The following ARHGAP21 variants were observed in gnomAD, a reference collection of about 807,000 sequenced individuals.
ARHGAP21 encodes Rho GTPase activating protein 21, also known as rho GTPase-activating protein 21.
A neutral mutation model predicts 164.6 loss-of-function variants in ARHGAP21; 38 were observed. The observed-to-expected ratio is 0.23, with a 90% CI of 0.18 to 0.30. ARHGAP21 has a LOEUF of 0.30. Among genes scored for constraint, ARHGAP21 ranks in the 10% least tolerant of loss-of-function variants. ARHGAP21 has a pLI of 1.00. For synonymous variants in ARHGAP21, 766 were observed against 857.9 expected, an observed-to-expected ratio of 0.89 and a Z score of 1.87; for missense variants, 1,822 against 2,370.7, an observed-to-expected ratio of 0.77 and a Z score of 4.81.
chr10:24,587,162 T>A lies in ARHGAP21; in HGVS notation c.4183-1056A>T, dbSNP rs191809210. On this transcript the variant is annotated intron_variant, in intron 25 of 25. Coordinates refer to ENST00000396432, the MANE Select transcript of ARHGAP21 (RefSeq NM_020824.4). ...GTATAATAGGTTCTTTTAAAAAAAA[T>A]TTTTTAAGATGGAGTTTCACCATGT... 2.2e-3 allele frequency among the ~76,000 whole-genome samples: 332 copies of A among 152,202 alleles called. No homozygotes were observed. The Middle Eastern group carries it at 0.027, about 12-fold the overall frequency.
rs1565054194 is a variant in ARHGAP21, at chr10:24,628,950, C to CTATAT, written c.495+1045_495+1046insATATA. 1.3e-4 allele frequency: 7 copies of CTATAT among 53,568 alleles called. No homozygotes were observed. The South Asian group carries it at 3.4e-3, about 26-fold the overall frequency. 3.3% of individuals were successfully genotyped at this position (53,568 alleles called of 1,614,324 possible). On this transcript the variant is annotated intron_variant, in intron 7 of 25. Coordinates refer to ENST00000396432, the MANE Select transcript of ARHGAP21 (RefSeq NM_020824.4). ...ATACATACATATATATACACACACA[C>CTATAT]ACTATATATATATATATATATATAT...
chr10:24,621,470 T>C (rs1404731401), intron 8 of ARHGAP21, 101 bp from the exon 9 acceptor site: 20 of 1,070,624 alleles, frequency 1.9e-5, no homozygotes, highest in Non-Finnish European at 2.5e-5. Context: ...ACCTCGTTCC[T>C]GAGTGACATT....
intron 17 of ARHGAP21, chr10:24,596,290 T>C (rs187190229): frequency 4.5e-6 from 2 of 443,582 alleles, no homozygotes; most frequent in East Asian, 7.5e-5. Context: ...AAAAAGGAAG[T>C]AACAACAGGT....
chr10:24,693,950 G>A (rs1842943264), intron 2 of ARHGAP21, among the ~76,000 whole-genome samples: 1 of 152,154 alleles, frequency 6.6e-6, no homozygotes, highest in East Asian at 1.9e-4. Flanking sequence ...CAGGAACACA[G>A]ACATACATGT....
At chr10:24,676,097 GAGGGCGCCACGGCACTCCA>G (rs1251335078) in intron 2 of ARHGAP21, among the ~76,000 whole-genome samples, 35 of 152,344 alleles carry the variant, frequency 2.3e-4, no homozygotes, top group Non-Finnish European at 2.9e-5. Context: ...GCAGTGAGCT[GAGGGCGCCACGGCACTCCA>G]GCCTGGGCAA....
At chr10:24,680,591 T>C (rs1283096812) in intron 2 of ARHGAP21, among the ~76,000 whole-genome samples, 4 of 152,170 alleles carry the variant, frequency 2.6e-5, no homozygotes, top group African/African-American at 9.7e-5. Context: ...ATAGCTCAGG[T>C]GTCTCAGTCA....
chr10:24,679,005 T>C (rs1841527773), intron 2 of ARHGAP21, among the ~76,000 whole-genome samples: 2 of 152,340 alleles, frequency 1.3e-5, no homozygotes, highest in East Asian at 1.9e-4. Context: ...GTTTAACCAT[T>C]TATCTGTTAA....
At chr10:24,645,972 G>A (rs1837534845) in intron 4 of ARHGAP21, among the ~76,000 whole-genome samples, 1 of 152,192 alleles carries the variant, frequency 6.6e-6, no homozygotes, top group South Asian at 2.1e-4. Context: ...GCTATCTGAA[G>A]GAAGTGAGGT....
At chr10:24,664,417 T>C (rs1839982997) in intron 4 of ARHGAP21, among the ~76,000 whole-genome samples, 1 of 151,914 alleles carries the variant, frequency 6.6e-6, no homozygotes, top group Admixed American at 6.6e-5. Context: ...TAGCTGGGCG[T>C]GGTGGCGTGC....
chr10:24,665,333 T>C (rs1840084832), intron 4 of ARHGAP21, among the ~76,000 whole-genome samples: 2 of 152,030 alleles, frequency 1.3e-5, no homozygotes, highest in South Asian at 2.1e-4. Context: ...CATTTCCTTC[T>C]CATTTTAACT....
At chr10:24,654,962 A>G (rs1838647611) in intron 4 of ARHGAP21, among the ~76,000 whole-genome samples, 1 of 152,174 alleles carries the variant, frequency 6.6e-6, no homozygotes, top group South Asian at 2.1e-4. Context: ...CAGAAATAAC[A>G]CCACATATCT....
At chr10:24,652,870 T>C (rs2131566272) in intron 4 of ARHGAP21, among the ~76,000 whole-genome samples, 1 of 152,292 alleles carries the variant, frequency 6.6e-6, no homozygotes, top group East Asian at 1.9e-4. Flanking sequence ...ATCTACTAAA[T>C]GTAATCATAT....
At chr10:24,628,302 G>A (rs1054534332) in intron 7 of ARHGAP21, among the ~76,000 whole-genome samples, 15 of 152,250 alleles carry the variant, frequency 9.9e-5, no homozygotes, top group East Asian at 1.9e-4. Flanking sequence ...AATTGTTATC[G>A]GTACTAAGCC....
rs942369096 is a variant in ARHGAP21 at position 24,625,033 on chromosome 10, C to T, written c.496-2271G>A. Among the ~76,000 whole-genome samples the T allele has an allele frequency of 7.1e-5, 5 of 70,002 alleles. 1 individual carries two copies. In the South Asian group the frequency reaches 1.8e-3, roughly 25 times the overall value. 45.9% of individuals were successfully genotyped at this position (70,002 alleles called of 152,430 possible). ...ACAGCCCTGTTTTGCCTATTAGATACAAAAAGCTCTAAAAAGTGGGGGGGG... is the reference window on the plus strand; with the variant it reads ...ACAGCCCTGTTTTGCCTATTAGATATAAAAAGCTCTAAAAAGTGGGGGGGG... On this transcript the variant is annotated intron_variant, in intron 7 of 25. Transcript: ENST00000396432.
intron 2 of ARHGAP21, among the ~76,000 whole-genome samples, chr10:24,717,759 G>A (rs1484349230): frequency 6.6e-6 from 1 of 152,130 alleles, no homozygotes; most frequent in African/African-American, 2.4e-5. Flanking sequence ...TCTTATAGGA[G>A]GTAATGTAAC....
At chr10:24,630,453 TA>T (rs1279552376) in intron 6 of ARHGAP21, among the ~76,000 whole-genome samples, 25 of 152,202 alleles carry the variant, frequency 1.6e-4, no homozygotes, top group African/African-American at 5.8e-4. Context: ...CTGTTCAAGT[TA>T]AAATTCATTA....
chr10:24,607,642 G>A (rs1188160141), intron 10 of ARHGAP21, 41 bp from the exon 11 acceptor site: 3 of 1,609,942 alleles, frequency 1.9e-6, no homozygotes, highest in African/African-American at 1.3e-5. Context: ...ATTCACAAGT[G>A]GTTCCCAGAT....
intron 21 of ARHGAP21, among the ~76,000 whole-genome samples, chr10:24,592,255 A>C (rs2076367705): frequency 6.8e-6 from 1 of 147,296 alleles, no homozygotes; most frequent in African/African-American, 2.5e-5. Flanking sequence ...TCTCGATAGA[A>C]TCTTATTATG....
At chr10:24,628,882 CACATATATATACAT>C (rs1835449438) in intron 7 of ARHGAP21, 2 of 98,498 alleles carry the variant, frequency 2.0e-5, no homozygotes, top group Admixed American at 1.2e-4. Context: ...TACATATATA[CACATATATATACAT>C]ACATATATAC....
Sources: allele counts gnomAD v4.1 joint callset (sites outside exome capture counted in the v4.1 genomes callset), GRCh38; gene constraint gnomAD v4.1.1; transcripts MANE v1.5; gene names NCBI Gene and HGNC (gene_info 2026-07-23, HGNC 2026-07-21).